The following GPD2 variants were observed in gnomAD, a reference collection of about 807,000 sequenced individuals.
The protein encoded by GPD2 is glycerol-3-phosphate dehydrogenase, mitochondrial.
In GPD2, 54 loss-of-function variants were observed where a neutral mutation model predicts 82.4. That is an observed-to-expected ratio of 0.66 (90% CI 0.53 to 0.82). The LOEUF (loss-of-function observed/expected upper bound fraction) is 0.82, where lower values mean the gene tolerates loss of function less well. GPD2 is among the 40% of genes least tolerant of loss of function. The pLI, the probability that GPD2 is intolerant of heterozygous loss-of-function variation, is 0.00. For synonymous variants in GPD2, 288 were observed against 306.1 expected (o/e 0.94, Z 0.62); for missense variants, 748 against 896.2 (o/e 0.83, Z 2.11).
chr2:156,496,317 C>A, intron 3 of GPD2, 102 bp downstream of exon 3: 1 of 767,600 alleles, frequency 1.3e-6, no homozygotes. Flanking sequence ...TGGTTTGCTG[C>A]ACCTATCAAC....
At chr2:156,510,363 A>T (rs112504408) in intron 3 of GPD2, among the ~76,000 whole-genome samples, 1 of 152,164 alleles carries the variant, frequency 6.6e-6, no homozygotes, top group South Asian at 2.1e-4. Context: ...TTTATTCATG[A>T]TGCATGCATT....
chr2:156,515,614 T>C (rs1047363273), intron 6 of GPD2, among the ~76,000 whole-genome samples: 3 of 152,222 alleles, frequency 2.0e-5, no homozygotes, highest in Non-Finnish European at 4.4e-5. Context: ...AATCTAGAAT[T>C]GATCTTTATA....
chr2:156,536,482 T>G (rs1686086159), intron 6 of GPD2, among the ~76,000 whole-genome samples: 1 of 152,252 alleles, frequency 6.6e-6, no homozygotes, highest in Admixed American at 6.5e-5. Flanking sequence ...GCTACGATAT[T>G]GATTGAAAAT....
At chr2:156,488,068 C>T (rs1684011001) in intron 2 of GPD2, among the ~76,000 whole-genome samples, 2 of 152,156 alleles carry the variant, frequency 1.3e-5, no homozygotes, top group Non-Finnish European at 1.5e-5. Context: ...TCAGCTACCC[C>T]AGAAGGATGG....
chr2:156,517,910 A>T (rs1219907615), intron 6 of GPD2, among the ~76,000 whole-genome samples: 1 of 152,202 alleles, frequency 6.6e-6, no homozygotes, highest in Non-Finnish European at 1.5e-5. Flanking sequence ...TATAAAATGA[A>T]ACTGAAGAAC....
chr2:156,432,498 T>A (rs1303853906), upstream of GPD2, among the ~76,000 whole-genome samples: 2 of 152,186 alleles, frequency 1.3e-5, no homozygotes, highest in Non-Finnish European at 2.9e-5. Flanking sequence ...AGTGAGAACA[T>A]GTGATACTTG....
chr2:156,466,289 G>C (rs1416001836), intron 1 of GPD2, among the ~76,000 whole-genome samples: 3 of 152,150 alleles, frequency 2.0e-5, no homozygotes, highest in African/African-American at 7.2e-5. Context: ...AAATTCACTT[G>C]CGTGCACTAA....
intron 3 of GPD2, among the ~76,000 whole-genome samples, chr2:156,507,016 CTT>C (rs571078082): frequency 6.8e-6 from 1 of 147,150 alleles, no homozygotes. Context: ...CATGCTACAT[CTT>C]TTTTTTTTTT....
intron 14 of GPD2, 35 bp downstream of exon 14, chr2:156,579,036 T>C: frequency 6.4e-7 from 1 of 1,556,488 alleles, no homozygotes; most frequent in Non-Finnish European, 8.9e-7. Flanking sequence ...TCTCTCTTTT[T>C]TTTTGGCCTA....
chr2:156,582,691 A>C (rs1574026726), intron 16 of GPD2, 102 bp from the exon 17 acceptor site: 1 of 1,246,668 alleles, frequency 8.0e-7, no homozygotes, highest in East Asian at 2.3e-5. Flanking sequence ...TTGATGGAGC[A>C]CTTAATTACC....
intron 2 of GPD2, among the ~76,000 whole-genome samples, chr2:156,477,892 A>G (rs989217637): frequency 1.3e-5 from 2 of 152,172 alleles, no homozygotes; most frequent in African/African-American, 2.4e-5. Flanking sequence ...GGACATGGGC[A>G]TTAAGGGATT....
intron 8 of GPD2, among the ~76,000 whole-genome samples, chr2:156,556,329 T>C (rs909500720): frequency 6.6e-6 from 1 of 152,214 alleles, no homozygotes; most frequent in Non-Finnish European, 1.5e-5. Flanking sequence ...GATACAAGAA[T>C]CCAGTCAAAT....
At position 156,536,745 on chromosome 2, in the gene GPD2, C is replaced by G. The variant is rs568589214; in HGVS notation, c.662-12863C>G. On this transcript the variant is annotated intron_variant, in intron 6 of 16. Coordinates refer to ENST00000438166, the MANE Select transcript of GPD2 (RefSeq NM_000408.5). ...TCCAGACCAAGGAGTGGCAGCAGTC[C>G]AAACCACCTGTCTCTGCTGACTAGG... 3.9e-5 allele frequency among the ~76,000 whole-genome samples: 6 copies of G among 152,292 alleles called. No individual in the cohort carries two copies. In the South Asian group the frequency reaches 1.0e-3, roughly 26 times the overall value.
At chr2:156,533,768 G>A (rs974736168) in intron 6 of GPD2, among the ~76,000 whole-genome samples, 8 of 152,308 alleles carry the variant, frequency 5.3e-5, no homozygotes, top group East Asian at 1.9e-4. Context: ...GACCCCCCTC[G>A]CAGGATGTGC....
chr2:156,451,991 C>T (rs1337989782), intron 1 of GPD2, among the ~76,000 whole-genome samples: 2 of 150,942 alleles, frequency 1.3e-5, no homozygotes, highest in South Asian at 2.1e-4. Context: ...ACATCTCAGA[C>T]GATGGGCGGC....
intron 1 of GPD2, among the ~76,000 whole-genome samples, chr2:156,470,792 T>G (rs1208994723): frequency 6.6e-6 from 1 of 152,192 alleles, no homozygotes; most frequent in Admixed American, 6.5e-5. Flanking sequence ...ATCTAAGAAT[T>G]CATCTGAGCC....
intron 6 of GPD2, among the ~76,000 whole-genome samples, chr2:156,545,001 G>T (rs986876371): frequency 1.3e-5 from 2 of 152,066 alleles, no homozygotes; most frequent in Non-Finnish European, 2.9e-5. Context: ...ATGAAGAGTG[G>T]GTTCTTATTT....
chr2:156,486,542 T>C (rs1265401970), intron 2 of GPD2, among the ~76,000 whole-genome samples: 1 of 152,250 alleles, frequency 6.6e-6, no homozygotes, highest in Non-Finnish European at 1.5e-5. Context: ...GGAAACTTTC[T>C]ATAAATGCTT....
intron 6 of GPD2, among the ~76,000 whole-genome samples, chr2:156,516,822 C>T (rs932669274): frequency 2.0e-5 from 3 of 152,072 alleles, no homozygotes; most frequent in Non-Finnish European, 4.4e-5. Flanking sequence ...ACACTTACTT[C>T]AGCAACCATG....
Sources: allele counts gnomAD v4.1 joint callset (sites outside exome capture counted in the v4.1 genomes callset), GRCh38; gene constraint gnomAD v4.1.1; transcripts MANE v1.5; gene names NCBI Gene and HGNC (gene_info 2026-07-23, HGNC 2026-07-21).